Variants in BANK1 observed in about 807,000 individuals in gnomAD.
BANK1 encodes B-cell scaffold protein with ankyrin repeats.
In BANK1, 95 loss-of-function variants were observed where a neutral mutation model predicts 94.5. The ratio of observed to expected loss-of-function variants is 1.00; its 90% CI spans 0.85 to 1.19. The LOEUF is 1.19. Among genes scored for constraint, BANK1 ranks in the 50% most tolerant of loss-of-function variants. The pLI is 0.00. For synonymous variants in BANK1, 334 were observed against 308.4 expected (o/e 1.08, Z -0.87); for missense variants, 987 against 932.2 (o/e 1.06, Z -0.77).
At chr4:101,945,157 G>T (rs1441478166) in intron 7 of BANK1, among the ~76,000 whole-genome samples, 2 of 151,922 alleles carry the variant, frequency 1.3e-5, no homozygotes, top group African/African-American at 4.8e-5. Flanking sequence ...ATCAAAAGAT[G>T]CCCCCTTTGG....
At chr4:101,927,281 T>G (rs1357372211) in intron 7 of BANK1, among the ~76,000 whole-genome samples, 1 of 151,592 alleles carries the variant, frequency 6.6e-6, no homozygotes, top group African/African-American at 2.4e-5. Context: ...TCATTAGCTT[T>G]CACAAGAACA....
At chr4:102,057,404 A>T (rs935648089) in intron 11 of BANK1, among the ~76,000 whole-genome samples, 1 of 145,900 alleles carries the variant, frequency 6.9e-6, no homozygotes, top group African/African-American at 2.6e-5. Context: ...TCTGTCACCT[A>T]GGCTGGAATT....
intron 7 of BANK1, among the ~76,000 whole-genome samples, chr4:101,964,400 A>G (rs1310129494): frequency 1.3e-5 from 2 of 152,104 alleles, no homozygotes; most frequent in Non-Finnish European, 2.9e-5. Context: ...AGAATTCTGA[A>G]AAAAACCGTA....
chr4:101,964,923 G>A lies in BANK1; in HGVS notation c.1206+46734G>A, dbSNP rs1252287746. Among the ~76,000 whole-genome samples, 11 of 86,200 alleles carry A rather than the reference G, an allele frequency of 1.3e-4. No homozygotes were observed. The East Asian group carries it at 1.3e-3, about 10-fold the overall frequency. The allele number at this position is 86,200 out of a possible 152,430, so 56.6% of individuals were successfully genotyped here. On this transcript the variant is annotated intron_variant, in intron 7 of 16. Coordinates refer to ENST00000322953, the MANE Select transcript of BANK1 (RefSeq NM_017935.5). ...AATGCGATCCCTCCCCCCTCCCCCC[G>A]CCCCACAACAGTCCCCAGAGTGTGA...
At chr4:101,867,643 G>A (rs114649558) in intron 4 of BANK1, among the ~76,000 whole-genome samples, 3,010 of 151,844 alleles carry the variant, frequency 0.02, 40 homozygotes, top group Non-Finnish European at 0.03. Context: ...GGACAGGAGG[G>A]ACTTAGGTTT....
intron 11 of BANK1, among the ~76,000 whole-genome samples, chr4:102,049,828 A>T (rs1316752007): frequency 1.3e-5 from 2 of 152,232 alleles, no homozygotes; most frequent in Admixed American, 6.5e-5. Flanking sequence ...CATGTGCACT[A>T]AGAGGCAAAA....
chr4:102,013,615 T>C (rs1726590559), intron 7 of BANK1, among the ~76,000 whole-genome samples: 1 of 152,024 alleles, frequency 6.6e-6, no homozygotes, highest in Non-Finnish European at 1.5e-5. Context: ...TGACCCATCA[T>C]CACATCTGTC....
In BANK1 at chr4:102,073,978, A is replaced by T. The variant is rs921429662; in HGVS notation, c.*6-27A>T. On this transcript the variant is annotated intron_variant, in intron 16 of 16. Coordinates refer to ENST00000322953, the MANE Select transcript of BANK1 (RefSeq NM_017935.5). ...TAAATTGATGAGCTATTATTCACTA[A>T]TACATTTCCTATTTTCTCATTTCCA... 4 of 328,390 alleles carry T rather than the reference A, an allele frequency of 1.2e-5. No individual in the cohort carries two copies. The South Asian group carries it at 3.8e-4, about 31-fold the overall frequency. The allele number at this position is 328,390 out of a possible 1,614,324, so 20.3% of individuals were successfully genotyped here.
At chr4:102,070,024 ACAGGCC>A (rs1171015146) in intron 13 of BANK1, among the ~76,000 whole-genome samples, 1 of 152,174 alleles carries the variant, frequency 6.6e-6, no homozygotes, top group African/African-American at 2.4e-5. Context: ...GCAAATCCAT[ACAGGCC>A]TGCAGCAACC....
intron 2 of BANK1, among the ~76,000 whole-genome samples, chr4:101,836,899 A>G (rs762278092): frequency 3.3e-5 from 5 of 152,174 alleles, no homozygotes; most frequent in South Asian, 2.1e-4. Flanking sequence ...TCTACATTCA[A>G]TTAATTTCTG....
intron 2 of BANK1, among the ~76,000 whole-genome samples, chr4:101,851,759 C>T (rs1727485657): frequency 6.6e-6 from 1 of 152,156 alleles, no homozygotes; most frequent in Non-Finnish European, 1.5e-5. Flanking sequence ...GTGGTAAGTG[C>T]AGGTTCCATT....
At chr4:102,068,442 A>G (rs1728657263) in intron 13 of BANK1, among the ~76,000 whole-genome samples, 3 of 151,468 alleles carry the variant, frequency 2.0e-5, no homozygotes, top group Non-Finnish European at 4.4e-5. Context: ...ATGATCAAGG[A>G]AAAAAAAAGA....
intron 11 of BANK1, among the ~76,000 whole-genome samples, chr4:102,052,384 G>A (rs1301086573): frequency 6.6e-6 from 1 of 151,950 alleles, no homozygotes; most frequent in Non-Finnish European, 1.5e-5. Context: ...CCAAAGTGCT[G>A]GGATTACAGG....
intron 4 of BANK1, among the ~76,000 whole-genome samples, chr4:101,864,055 A>T (rs927707674): frequency 1.3e-5 from 2 of 152,206 alleles, no homozygotes; most frequent in Non-Finnish European, 2.9e-5. Context: ...TGAATATGCC[A>T]TGCTTCCAAG....
chr4:101,982,889 A>G (rs1206698271), intron 7 of BANK1, among the ~76,000 whole-genome samples: 1 of 152,028 alleles, frequency 6.6e-6, no homozygotes, highest in Non-Finnish European at 1.5e-5. Flanking sequence ...ATATATGTAT[A>G]TACGCATGGA....
chr4:101,973,302 A>G (rs1293043569), intron 7 of BANK1, among the ~76,000 whole-genome samples: 3 of 151,882 alleles, frequency 2.0e-5, no homozygotes, highest in Non-Finnish European at 2.9e-5. Context: ...TAAAAACTAC[A>G]GCCATCATAG....
chr4:102,030,961 G>T (rs532250967), intron 10 of BANK1, among the ~76,000 whole-genome samples: 1 of 152,274 alleles, frequency 6.6e-6, no homozygotes, highest in East Asian at 1.9e-4. Flanking sequence ...ACCCAGTAAT[G>T]GGATTGCTGG....
In BANK1 at chr4:101,918,069, G is replaced by A; in HGVS notation, c.1086G>A (p.Leu362=). The A allele has an allele frequency of 6.2e-7, 1 of 1,611,674 alleles. No homozygotes were observed. Among genetic ancestry groups the A allele is most frequent in the Non-Finnish European group, 8.5e-7 (1 of 1,178,446 alleles). The change falls in exon 7 of 17, where the codon TTG becomes TTA. Residue 362 remains leucine, a synonymous_variant. Transcript: ENST00000322953. ...GCTTAAAGAACCTGGCTATTCATTTGCTTCAATGTTCAGGAGCAACCTGGG... is the reference window on the plus strand; with the variant it reads ...GCTTAAAGAACCTGGCTATTCATTTACTTCAATGTTCAGGAGCAACCTGGG... The part of the protein sequence containing the change: ...KFGLKNLAIH[L]LQCSGATWAS...
chr4:101,981,952 G>T (rs1310854929), intron 7 of BANK1: 1 of 152,150 alleles, frequency 6.6e-6, no homozygotes, highest in Non-Finnish European at 1.5e-5. Context: ...TAGGTATGTG[G>T]TAGGGTGTGT....
Sources: allele counts gnomAD v4.1 joint callset (sites outside exome capture counted in the v4.1 genomes callset), GRCh38; gene constraint gnomAD v4.1.1; transcripts MANE v1.5; gene names NCBI Gene and HGNC (gene_info 2026-07-23, HGNC 2026-07-21).